Variants in HERC1 observed in about 807,000 individuals in gnomAD.
HERC1 encodes the protein HECT and RLD domain containing E3 ubiquitin protein ligase family member 1.
A neutral mutation model predicts 554.3 loss-of-function variants in HERC1; 160 were observed. The observed-to-expected ratio is 0.29, with a 90% CI of 0.25 to 0.33. The LOEUF (loss-of-function observed/expected upper bound fraction) is 0.33, where lower values mean the gene tolerates loss of function less well. HERC1 is among the 10% of genes least tolerant of loss of function. The pLI is 1.00. For missense variants in HERC1, 4,919 were observed against 5,918.5 expected (o/e 0.83, Z 5.54); for synonymous variants, 2,175 against 2,131.7 (o/e 1.02, Z -0.56).
At chr15:63,684,869 C>T (rs1274180465) in intron 34 of HERC1, among the ~76,000 whole-genome samples, 1 of 152,094 alleles carries the variant, frequency 6.6e-6, no homozygotes, top group Non-Finnish European at 1.5e-5. Flanking sequence ...ATTAGCCAGG[C>T]GTGGTGGCAG....
At chr15:63,739,244 C>CTGGA (rs2074688112) in intron 12 of HERC1, among the ~76,000 whole-genome samples, 1 of 135,930 alleles carries the variant, frequency 7.4e-6, no homozygotes, top group Non-Finnish European at 1.5e-5. Flanking sequence ...GTTGCCCAGG[C>CTGGA]TGGAGTGCAG....
intron 2 of HERC1, among the ~76,000 whole-genome samples, chr15:63,773,716 G>A (rs2076023173): frequency 6.6e-6 from 1 of 151,406 alleles, no homozygotes; most frequent in Non-Finnish European, 1.5e-5. Context: ...GATAATTTTT[G>A]TATTTTTAGT....
intron 73 of HERC1, 42 bp from the exon 74 acceptor site, chr15:63,622,933 A>G: frequency 7.8e-7 from 1 of 1,288,414 alleles, no homozygotes; most frequent in South Asian, 1.3e-5. Flanking sequence ...ATGACAATCA[A>G]ATGCATGAAG....
Position 63,624,314 on chromosome 15 carries a change from T to A in HERC1, c.13289A>T (p.His4430Leu). Reference sequence around the variant, plus strand: ...AATGCCCCAAGTTCCAGCATTATAATGGGATGTGCTGTTCTGTAACAGAAG... The same window carrying A: ...AATGCCCCAAGTTCCAGCATTATAAAGGGATGTGCTGTTCTGTAACAGAAG... ...LSPNNQNSTS[H>L]YNAGTWGIVQ... is the part of the protein sequence containing the mutation. Residue 4430 changes from histidine to leucine, a missense_variant, in exon 72 of 78, where the codon CAT becomes CTT. Transcript: ENST00000443617. The A allele has an allele frequency of 3.7e-6, 6 of 1,607,624 alleles. No individual in the cohort carries two copies. Among genetic ancestry groups the A allele is most frequent in the Non-Finnish European group, 5.1e-6 (6 of 1,176,000 alleles).
intron 55 of HERC1, among the ~76,000 whole-genome samples, chr15:63,647,302 T>A (rs1441816955): frequency 6.7e-6 from 1 of 150,296 alleles, no homozygotes. Flanking sequence ...CAATGAGATA[T>A]CATCTCACCC....
chr15:63,725,596 G>A, intron 17 of HERC1, 83 bp from the exon 18 acceptor site: 1 of 1,041,120 alleles, frequency 9.6e-7, no homozygotes, highest in Non-Finnish European at 1.4e-6. Flanking sequence ...CTACCGTACT[G>A]CAATAAGATA....
In HERC1 at chr15:63,706,900, G is replaced by A. The variant is rs995798037; in HGVS notation, c.4585-69C>T. 8.0e-6 allele frequency: 8 copies of A among 997,284 alleles called. No homozygotes were observed. The African/African-American group carries it at 9.8e-5, about 12-fold the overall frequency. The allele number at this position is 997,284 out of a possible 1,614,324, so 61.8% of individuals were successfully genotyped here. ...AGTATTTTAAGATTAAGATTTAATA[G>A]AGTATTAGAATAGAAATTCATGTAA... On this transcript the variant is annotated intron_variant, in intron 24 of 77. Transcript: ENST00000443617.
At chr15:63,676,475 G>A (rs1322842440) in intron 37 of HERC1, among the ~76,000 whole-genome samples, 1 of 152,146 alleles carries the variant, frequency 6.6e-6, no homozygotes, top group Non-Finnish European at 1.5e-5. Flanking sequence ...ATATTGTTCC[G>A]GCCGAGCGTG....
At chr15:63,643,201 C>A in intron 58 of HERC1, 143 bp from the exon 59 acceptor site, 2 of 819,654 alleles carry the variant, frequency 2.4e-6, no homozygotes, top group Non-Finnish European at 3.8e-6. Flanking sequence ...ATACCTACTA[C>A]AAAATTTTCT....
At chr15:63,745,260 G>A (rs1366300489) in intron 12 of HERC1, among the ~76,000 whole-genome samples, 1 of 152,188 alleles carries the variant, frequency 6.6e-6, no homozygotes, top group South Asian at 2.1e-4. Context: ...GGTTACCCCA[G>A]CTGGTGTCTC....
At chr15:63,698,039 TG>T (rs2072523117) in intron 26 of HERC1, among the ~76,000 whole-genome samples, 1 of 152,144 alleles carries the variant, frequency 6.6e-6, no homozygotes, top group Non-Finnish European at 1.5e-5. Flanking sequence ...CATTCAACAG[TG>T]GGTCTTGATT....
At chr15:63,609,486 C>T (rs1308996576) in intron 77 of HERC1, among the ~76,000 whole-genome samples, 1 of 152,240 alleles carries the variant, frequency 6.6e-6, no homozygotes, top group African/African-American at 2.4e-5. Context: ...TCCTCACCTC[C>T]TCCAGTGCCT....
chr15:63,806,358 T>C (rs11631544), intron 1 of HERC1, among the ~76,000 whole-genome samples: 29,928 of 152,102 alleles, frequency 0.2, 3,185 homozygotes, highest in Non-Finnish European at 0.23. Flanking sequence ...CAAAGGTGAC[T>C]TCTTCCATGA....
chr15:63,709,244 A>C (rs1747894746), intron 24 of HERC1, among the ~76,000 whole-genome samples: 1 of 152,036 alleles, frequency 6.6e-6, no homozygotes, highest in Admixed American at 6.6e-5. Flanking sequence ...TCCTGGGCTC[A>C]AGCAATCCTC....
chr15:63,753,702 T>C (rs1027331519), intron 7 of HERC1, among the ~76,000 whole-genome samples: 2 of 152,118 alleles, frequency 1.3e-5, no homozygotes, highest in African/African-American at 2.4e-5. Flanking sequence ...CTAGTAGGAG[T>C]GACTAATTAA....
intron 72 of HERC1, 51 bp downstream of exon 72, chr15:63,624,107 C>T: frequency 6.7e-7 from 1 of 1,486,308 alleles, no homozygotes; most frequent in Non-Finnish European, 9.2e-7. Context: ...GTAATAACAT[C>T]CATCTGAAAA....
intron 12 of HERC1, among the ~76,000 whole-genome samples, chr15:63,741,302 C>T (rs1005706516): frequency 7.9e-5 from 12 of 151,554 alleles, no homozygotes; most frequent in African/African-American, 2.7e-4. Context: ...GCTGGGATTA[C>T]AGGCGTGAGC....
At chr15:63,697,533 C>A (rs1241136924) in intron 26 of HERC1, among the ~76,000 whole-genome samples, 4 of 148,660 alleles carry the variant, frequency 2.7e-5, no homozygotes, top group Non-Finnish European at 4.4e-5. Flanking sequence ...CGGCTCACTG[C>A]AACCTCTGCC....
intron 74 of HERC1, among the ~76,000 whole-genome samples, chr15:63,617,955 C>T (rs1434050646): frequency 1.1e-4 from 17 of 151,996 alleles, no homozygotes; most frequent in African/African-American, 3.6e-4. Flanking sequence ...TTCTGTGGGT[C>T]GCCTGTTCAC....
Sources: gnomAD v4.1 joint callset for allele counts (sites outside exome capture counted in the v4.1 genomes callset) on GRCh38, gnomAD v4.1.1 for gene constraint, MANE v1.5 for transcripts, NCBI Gene and HGNC (gene_info 2026-07-23, HGNC 2026-07-21) for gene names.